LEKR1: variants seen among roughly 807,000 people sequenced by gnomAD.
LEKR1 encodes leucine, glutamate and lysine rich 1, also known as protein LEKR1.
A neutral mutation model predicts 72.4 loss-of-function variants in LEKR1; 59 were observed. That is an observed-to-expected ratio of 0.82 (90% CI 0.66 to 1.01). LEKR1 has a LOEUF of 1.01. Among genes scored for constraint, LEKR1 ranks in the 50% least tolerant of loss-of-function variants. LEKR1 has a pLI of 0.00. For synonymous variants in LEKR1, 257 were observed against 263.2 expected, an observed-to-expected ratio of 0.98 and a Z score of 0.23; for missense variants, 728 against 759.2, an observed-to-expected ratio of 0.96 and a Z score of 0.48.
chr3:156,976,117 G>A (rs1729668715), intron 6 of LEKR1, among the ~76,000 whole-genome samples: 1 of 151,970 alleles, frequency 6.6e-6, no homozygotes, highest in Non-Finnish European at 1.5e-5. Context: ...AAAAACAAAA[G>A]GACCAGACTA....
At chr3:156,877,358 C>A (rs1391033949) in intron 3 of LEKR1, among the ~76,000 whole-genome samples, 1 of 151,752 alleles carries the variant, frequency 6.6e-6, no homozygotes, top group Non-Finnish European at 1.5e-5. Context: ...GGGAGGAGTC[C>A]CTCTTTATCT....
intron 11 of LEKR1, among the ~76,000 whole-genome samples, chr3:157,027,022 G>GT (rs1406814576): frequency 6.6e-6 from 1 of 152,150 alleles, no homozygotes; most frequent in Non-Finnish European, 1.5e-5. Context: ...ATAGCCACAT[G>GT]TGGCTGCAAA....
intron 12 of LEKR1, among the ~76,000 whole-genome samples, chr3:157,044,064 G>C (rs538523637): frequency 1.3e-5 from 2 of 152,246 alleles, no homozygotes; most frequent in South Asian, 4.1e-4. Flanking sequence ...TACTGTCCCT[G>C]GTGCTTTGTT....
chr3:156,926,188 A>T (rs1213207677), intron 4 of LEKR1, among the ~76,000 whole-genome samples: 1 of 152,066 alleles, frequency 6.6e-6, no homozygotes, highest in Non-Finnish European at 1.5e-5. Context: ...CACTGAATGT[A>T]ACATACAAAT....
At chr3:156,886,247 G>A (rs114541677) in intron 3 of LEKR1, among the ~76,000 whole-genome samples, 28 of 152,150 alleles carry the variant, frequency 1.8e-4, no homozygotes, top group Non-Finnish European at 2.6e-4. Context: ...AGCCAGTAGT[G>A]AGAGACCTCA....
intron 6 of LEKR1, among the ~76,000 whole-genome samples, chr3:156,961,144 G>A (rs533305558): frequency 2.6e-5 from 4 of 152,174 alleles, no homozygotes; most frequent in African/African-American, 9.6e-5. Flanking sequence ...TTTATTCCAA[G>A]TGAAAAAACT....
intron 9 of LEKR1, among the ~76,000 whole-genome samples, 171 bp downstream of exon 9, chr3:156,993,448 A>G (rs1469270663): frequency 6.6e-6 from 1 of 152,152 alleles, no homozygotes; most frequent in Non-Finnish European, 1.5e-5. Flanking sequence ...ACAAGTGATT[A>G]GACTGAAGCT....
In LEKR1 at chr3:156,948,231, G is replaced by T. The variant is rs187777558; in HGVS notation, c.745+5517G>T. Among the ~76,000 whole-genome samples the T allele has an allele frequency of 4.0e-3, 600 of 150,830 alleles. 6 individuals are homozygous for T. The highest frequency in any genetic ancestry group is 0.014 in the African/African-American group (573 of 41,308). ...TAGTTTTACTTAAATATGTTTCTTT[G>T]CCATTCTTGTTAAATTTGTTACTGT... On this transcript the variant is annotated intron_variant, in intron 6 of 12. Transcript: ENST00000356539.
intron 3 of LEKR1, chr3:156,888,444 C>A (rs927367094): frequency 1.5e-6 from 1 of 685,192 alleles, no homozygotes; most frequent in Non-Finnish European, 2.7e-6. Context: ...TTTGTTTTTG[C>A]AAAATAAATA....
At chr3:156,971,406 A>G (rs1292733923) in intron 6 of LEKR1, among the ~76,000 whole-genome samples, 2 of 152,220 alleles carry the variant, frequency 1.3e-5, no homozygotes, top group African/African-American at 2.4e-5. Flanking sequence ...AACCTAGGCA[A>G]TACAATTCAG....
intron 5 of LEKR1, among the ~76,000 whole-genome samples, chr3:156,938,392 T>C (rs1725910570): frequency 1.3e-5 from 2 of 152,226 alleles, no homozygotes. Context: ...TTGCTTTTTG[T>C]TTTTTGAGAT....
intron 5 of LEKR1, among the ~76,000 whole-genome samples, chr3:156,929,041 A>G (rs538643394): frequency 6.6e-6 from 1 of 152,176 alleles, no homozygotes; most frequent in Non-Finnish European, 1.5e-5. Flanking sequence ...ACAATGCTCA[A>G]GGATATAAAG....
At chr3:156,861,825 C>G (rs1294032210) in intron 3 of LEKR1, among the ~76,000 whole-genome samples, 1 of 152,084 alleles carries the variant, frequency 6.6e-6, no homozygotes, top group African/African-American at 2.4e-5. Flanking sequence ...TTATTTATAA[C>G]ATGTAGATCT....
At chr3:156,828,519 C>T (rs1329113200) in intron 1 of LEKR1, among the ~76,000 whole-genome samples, 3 of 152,096 alleles carry the variant, frequency 2.0e-5, no homozygotes, top group Middle Eastern at 3.4e-3. Flanking sequence ...ACTCTGCTGC[C>T]ACTGCCCTCG....
intron 2 of LEKR1, among the ~76,000 whole-genome samples, chr3:156,840,174 C>G (rs1713719163): frequency 6.6e-6 from 1 of 152,174 alleles, no homozygotes; most frequent in Non-Finnish European, 1.5e-5. Context: ...ATATTATCAG[C>G]AAGGCTTCCT....
At chr3:156,853,393 C>T (rs1055866223) in intron 3 of LEKR1, 4 of 152,292 alleles carry the variant, frequency 2.6e-5, no homozygotes, top group Non-Finnish European at 4.4e-5. Flanking sequence ...GATGCCAAGA[C>T]GTTCAAATTA....
intron 6 of LEKR1, among the ~76,000 whole-genome samples, chr3:156,975,500 A>G (rs766188127): frequency 1.2e-4 from 19 of 152,248 alleles, no homozygotes; most frequent in Middle Eastern, 3.4e-3. Flanking sequence ...GTTTTCTCAA[A>G]CATTATACTA....
At chr3:156,865,646 C>G (rs979803234) in intron 3 of LEKR1, among the ~76,000 whole-genome samples, 12 of 151,868 alleles carry the variant, frequency 7.9e-5, no homozygotes, top group African/African-American at 2.9e-4. Flanking sequence ...TATTCTGCAA[C>G]CTGGTGGTTG....
intron 9 of LEKR1, among the ~76,000 whole-genome samples, chr3:156,999,316 T>C (rs767901640): frequency 6.6e-6 from 1 of 152,150 alleles, no homozygotes; most frequent in Non-Finnish European, 1.5e-5. Flanking sequence ...TAGTCTCCTG[T>C]TTTCAAATAT....
Sources: allele counts gnomAD v4.1 joint callset (sites outside exome capture counted in the v4.1 genomes callset), GRCh38; gene constraint gnomAD v4.1.1; transcripts MANE v1.5; gene names NCBI Gene and HGNC (gene_info 2026-07-23, HGNC 2026-07-21).